SLIT3: variants seen among roughly 807,000 people sequenced by gnomAD.
SLIT3 encodes slit homolog 3 protein.
In SLIT3, 68 loss-of-function variants were observed where a neutral mutation model predicts 184.0. That is an observed-to-expected ratio of 0.37 (90% CI 0.30 to 0.45). The LOEUF (loss-of-function observed/expected upper bound fraction) is 0.45, where lower values mean the gene tolerates loss of function less well. SLIT3 is among the 20% of genes least tolerant of loss of function. The pLI, the probability that SLIT3 is intolerant of heterozygous loss-of-function variation, is 1.00. For missense variants in SLIT3, 1,707 were observed against 2,026.0 expected (o/e 0.84, Z 3.02); for synonymous variants, 831 against 828.6 (o/e 1.00, Z -0.05).
intron 4 of SLIT3, among the ~76,000 whole-genome samples, chr5:169,009,054 C>A (rs76988757): frequency 0.016 from 2,487 of 152,034 alleles, 60 homozygotes; most frequent in African/African-American, 0.055. Context: ...CCTCTCTGCA[C>A]CCAAGGTAAC....
chr5:168,698,050 T>C (rs1044338865), intron 27 of SLIT3, among the ~76,000 whole-genome samples: 3 of 151,822 alleles, frequency 2.0e-5, no homozygotes, highest in Non-Finnish European at 4.4e-5. Flanking sequence ...GTGCCATGAG[T>C]TGGTTGTGGG....
intron 5 of SLIT3, among the ~76,000 whole-genome samples, chr5:168,854,477 C>G (rs892408214): frequency 5.9e-5 from 9 of 152,140 alleles, no homozygotes; most frequent in Non-Finnish European, 1.2e-4. Context: ...GATTTTAGCT[C>G]CAGTCACTGA....
intron 4 of SLIT3, among the ~76,000 whole-genome samples, chr5:169,005,099 T>C (rs1162284144): frequency 6.6e-6 from 1 of 151,950 alleles, no homozygotes; most frequent in Non-Finnish European, 1.5e-5. Context: ...TTTTAAGCAA[T>C]AAAGTATTTT....
intron 27 of SLIT3, 85 bp from the exon 28 acceptor site, chr5:168,696,516 G>A: frequency 1.3e-6 from 2 of 1,505,600 alleles, no homozygotes; most frequent in East Asian, 2.3e-5. Context: ...AGACACGGGT[G>A]GGAAATACAA....
intron 4 of SLIT3, among the ~76,000 whole-genome samples, chr5:169,033,730 G>A (rs1561620921): frequency 6.6e-6 from 1 of 150,932 alleles, no homozygotes; most frequent in Non-Finnish European, 1.5e-5. Context: ...GGCCATTTTT[G>A]CATATTCTCT....
chr5:168,895,673 C>T (rs1017388877), intron 4 of SLIT3, among the ~76,000 whole-genome samples: 1 of 152,168 alleles, frequency 6.6e-6, no homozygotes, highest in African/African-American at 2.4e-5. Flanking sequence ...CATCATGACC[C>T]CATGCGCTAT....
chr5:169,272,205 T>C (rs1446815493), intron 1 of SLIT3, among the ~76,000 whole-genome samples: 1 of 152,240 alleles, frequency 6.6e-6, no homozygotes, highest in Non-Finnish European at 1.5e-5. Flanking sequence ...GCAGAGTCCC[T>C]GTTCCGTTTG....
At chr5:168,721,655 A>ATATAGAGAG (rs1166620273) in intron 23 of SLIT3, among the ~76,000 whole-genome samples, 3 of 152,228 alleles carry the variant, frequency 2.0e-5, no homozygotes, top group Non-Finnish European at 4.4e-5. Context: ...TTCCAAAAGA[A>ATATAGAGAG]TATAGAGAGT....
chr5:168,751,329 G>A (rs540220030), intron 18 of SLIT3, among the ~76,000 whole-genome samples: 33 of 152,292 alleles, frequency 2.2e-4, no homozygotes, highest in Admixed American at 7.8e-4. Flanking sequence ...GGTTAGAGAC[G>A]GGACAATAAA....
At chr5:169,297,318 C>T (rs995924523) in intron 1 of SLIT3, among the ~76,000 whole-genome samples, 8 of 152,138 alleles carry the variant, frequency 5.3e-5, no homozygotes, top group East Asian at 1.9e-4. Flanking sequence ...AACACAGACC[C>T]CCCAATTCTG....
intron 32 of SLIT3, among the ~76,000 whole-genome samples, chr5:168,677,280 G>A (rs1324398697): frequency 6.6e-6 from 1 of 152,090 alleles, no homozygotes; most frequent in African/African-American, 2.4e-5. Context: ...TGGTTTTTTG[G>A]TTGTTTTTAG....
intron 4 of SLIT3, among the ~76,000 whole-genome samples, chr5:168,896,580 A>G (rs1370128523): frequency 6.6e-6 from 1 of 152,176 alleles, no homozygotes; most frequent in Non-Finnish European, 1.5e-5. Flanking sequence ...GTCATGCCTC[A>G]AAGCTTTCCT....
intron 9 of SLIT3, among the ~76,000 whole-genome samples, chr5:168,801,369 T>G (rs1389284487): frequency 6.6e-6 from 1 of 152,208 alleles, no homozygotes; most frequent in Non-Finnish European, 1.5e-5. Context: ...AATGGAATAT[T>G]TGCTATTGTT....
intron 4 of SLIT3, among the ~76,000 whole-genome samples, chr5:169,004,196 C>T (rs765307768): frequency 2.0e-5 from 3 of 151,916 alleles, no homozygotes; most frequent in Non-Finnish European, 2.9e-5. Flanking sequence ...CAGAACAACA[C>T]GAAACCCGAA....
At chr5:168,985,933 T>A (rs1755113502) in intron 4 of SLIT3, among the ~76,000 whole-genome samples, 1 of 152,126 alleles carries the variant, frequency 6.6e-6, no homozygotes, top group Non-Finnish European at 1.5e-5. Flanking sequence ...CTCCCAAGCT[T>A]TTCAGACCCA....
At chr5:169,263,605 T>TA (rs1464392025) in intron 1 of SLIT3, 1 of 483,080 alleles carries the variant, frequency 2.1e-6, no homozygotes, top group Non-Finnish European at 4.1e-6. Context: ...GGTACATTGT[T>TA]ACAGCAGCCC....
chr5:169,184,715 A>T (rs931891758), intron 4 of SLIT3, among the ~76,000 whole-genome samples: 4 of 152,156 alleles, frequency 2.6e-5, no homozygotes, highest in Non-Finnish European at 5.9e-5. Flanking sequence ...ATTTGTTTCT[A>T]TATGCTAAGT....
At chr5:169,101,712 C>A (rs1760024528) in intron 4 of SLIT3, among the ~76,000 whole-genome samples, 1 of 152,234 alleles carries the variant, frequency 6.6e-6, no homozygotes, top group Admixed American at 6.5e-5. Flanking sequence ...CTCGCTACCC[C>A]TCTCTGGTCT....
chr5:168,743,239 T>C (rs937358160), intron 20 of SLIT3, among the ~76,000 whole-genome samples: 1 of 152,196 alleles, frequency 6.6e-6, no homozygotes, highest in African/African-American at 2.4e-5. Context: ...TTTGTAGATA[T>C]TGCGTTTTTT....
Sources: allele counts gnomAD v4.1 joint callset (sites outside exome capture counted in the v4.1 genomes callset), GRCh38; gene constraint gnomAD v4.1.1; transcripts MANE v1.5; gene names NCBI Gene and HGNC (gene_info 2026-07-23, HGNC 2026-07-21).